SMIM31: variants seen among roughly 807,000 people sequenced by gnomAD.
SMIM31 encodes small integral membrane protein 31, also known as human epithelial cell program regulator.
intron 2 of SMIM31, among the ~76,000 whole-genome samples, chr4:164,798,185 C>A (rs144678681): frequency 6.6e-6 from 1 of 151,436 alleles, no homozygotes; most frequent in Non-Finnish European, 1.5e-5. Flanking sequence ...ATCATTGTTG[C>A]GATAAACATA....
At chr4:164,784,568 A>G (rs1474655338) in intron 2 of SMIM31, among the ~76,000 whole-genome samples, 7 of 152,232 alleles carry the variant, frequency 4.6e-5, no homozygotes, top group Non-Finnish European at 1.0e-4. Flanking sequence ...ATTGAAGAAT[A>G]TGGTTTGTTG....
intron 2 of SMIM31, among the ~76,000 whole-genome samples, chr4:164,797,159 G>T (rs563819170): frequency 1.3e-5 from 2 of 152,000 alleles, no homozygotes; most frequent in Non-Finnish European, 2.9e-5. Context: ...TAAGCTTTAC[G>T]CTCACCACAT....
chr4:164,761,328 A>G (rs1732646706), intron 1 of SMIM31, among the ~76,000 whole-genome samples: 2 of 152,216 alleles, frequency 1.3e-5, no homozygotes, highest in South Asian at 2.1e-4. Context: ...TATTCTTTAC[A>G]TAATCATCTT....
intron 2 of SMIM31, among the ~76,000 whole-genome samples, chr4:164,776,547 G>A (rs1350965122): frequency 6.6e-6 from 1 of 152,236 alleles, no homozygotes; most frequent in Non-Finnish European, 1.5e-5. Context: ...CTTCATCCCT[G>A]TGTGAAGCCT....
intron 1 of SMIM31, among the ~76,000 whole-genome samples, chr4:164,766,700 A>G (rs1732724649): frequency 6.6e-6 from 1 of 151,926 alleles, no homozygotes; most frequent in Admixed American, 6.6e-5. Flanking sequence ...CGGGGGACTG[A>G]GGCAGGAGAA....
intron 1 of SMIM31, among the ~76,000 whole-genome samples, chr4:164,760,367 G>A (rs1183103570): frequency 1.3e-5 from 2 of 152,148 alleles, no homozygotes; most frequent in Non-Finnish European, 2.9e-5. Context: ...ATTAAACCTT[G>A]TGAGTAGTAG....
At chr4:164,756,171 G>A (rs555007693) in intron 1 of SMIM31, among the ~76,000 whole-genome samples, 1 of 152,220 alleles carries the variant, frequency 6.6e-6, no homozygotes, top group South Asian at 2.1e-4. Flanking sequence ...GAATTTTAAT[G>A]GATATGTACA....
chr4:164,803,677 C>A lies in SMIM31; in HGVS notation c.*2483C>A, dbSNP rs1733317384. On this transcript the variant is annotated 3_prime_UTR_variant, in exon 3 of 3. Coordinates refer to ENST00000507311, the MANE Select transcript of SMIM31 (RefSeq NM_001352885.1). ...AGGCGTGGTGGTCCATGCCTGTAAT[C>A]CTAGCTACTCAGGAGGCTGAGGCAG... 1 of 151,964 alleles carries A rather than the reference C, an allele frequency of 6.6e-6. No individual in the cohort carries two copies. Among genetic ancestry groups the A allele is most frequent in the South Asian group, 2.1e-4 (1 of 4,798 alleles). The allele number at this position is 151,964 out of a possible 1,614,324, so 9.4% of individuals were successfully genotyped here.
chr4:164,798,990 T>C (rs772271027), intron 2 of SMIM31, among the ~76,000 whole-genome samples: 6 of 152,154 alleles, frequency 3.9e-5, no homozygotes, highest in Non-Finnish European at 7.3e-5. Flanking sequence ...CCTTCTGCCA[T>C]GAGTAAAAGC....
intron 1 of SMIM31, among the ~76,000 whole-genome samples, chr4:164,765,378 A>G (rs1039916221): frequency 1.3e-5 from 2 of 152,194 alleles, no homozygotes; most frequent in African/African-American, 2.4e-5. Flanking sequence ...ATGAGCCTTC[A>G]AGGTGAATAC....
chr4:164,798,174 G>A (rs745583406), intron 2 of SMIM31, among the ~76,000 whole-genome samples: 3 of 151,648 alleles, frequency 2.0e-5, no homozygotes, highest in African/African-American at 4.8e-5. Context: ...TTGCTATTGT[G>A]ATCATTGTTG....
In SMIM31 at chr4:164,794,799, G is replaced by A. The variant is rs559327041; in HGVS notation, c.113-6292G>A. 2.0e-4 allele frequency among the ~76,000 whole-genome samples: 31 copies of A among 151,254 alleles called. 1 individual carries two copies. The highest frequency in any genetic ancestry group is 7.8e-4 in the East Asian group (4 of 5,146). On this transcript the variant is annotated intron_variant, in intron 2 of 2. Transcript: ENST00000507311. ...CAGCCTGGCAACAGAGCAAGACTCC[G>A]TCTCAAAAAATAATAATAATAATAA...
intron 2 of SMIM31, among the ~76,000 whole-genome samples, chr4:164,779,457 G>C (rs1732919514): frequency 6.6e-6 from 1 of 152,232 alleles, no homozygotes; most frequent in Non-Finnish European, 1.5e-5. Context: ...ACTGAGATTA[G>C]TGGCCAATCT....
chr4:164,756,180 C>T (rs1732558161), intron 1 of SMIM31, among the ~76,000 whole-genome samples: 2 of 152,154 alleles, frequency 1.3e-5, no homozygotes, highest in African/African-American at 4.8e-5. Context: ...TGGATATGTA[C>T]ATCTATGTAA....
chr4:164,772,565 A>AT (rs918352897), intron 2 of SMIM31, among the ~76,000 whole-genome samples: 44 of 112,972 alleles, frequency 3.9e-4, no homozygotes, highest in Admixed American at 1.6e-3. Flanking sequence ...CTGAAGTTTT[A>AT]TTTTTTTTAT....
chr4:164,789,586 C>T (rs1733073501), intron 2 of SMIM31, among the ~76,000 whole-genome samples: 1 of 152,120 alleles, frequency 6.6e-6, no homozygotes, highest in African/African-American at 2.4e-5. Flanking sequence ...AATCTTGCTC[C>T]TACCTATATA....
chr4:164,777,973 G>T (rs6816976), intron 2 of SMIM31, among the ~76,000 whole-genome samples: 77,600 of 152,134 alleles, frequency 0.51, 20,120 homozygotes, highest in South Asian at 0.62. Context: ...GAAAGATATC[G>T]GTTCATAAAG....
chr4:164,794,188 G>A (rs1474343611), intron 2 of SMIM31, among the ~76,000 whole-genome samples: 1 of 151,646 alleles, frequency 6.6e-6, no homozygotes, highest in African/African-American at 2.4e-5. Context: ...ACCAGCCTGG[G>A]CAACATAAGG....
Position 164,802,819 on chromosome 4 carries a change from A to T in SMIM31, c.*1625A>T, listed in dbSNP as rs1380182377. ...AGAATGCTTACAAAGTTAACCAAGT[A>T]GTCACCCAGGTCAGAGTACTAAACA... is the stretch of plus-strand genomic sequence containing the variant. On this transcript the variant is annotated 3_prime_UTR_variant, in exon 3 of 3. Transcript: ENST00000507311. 6 of 152,250 alleles carry T rather than the reference A, an allele frequency of 3.9e-5. No individual in the cohort carries two copies. Among genetic ancestry groups the T allele is most frequent in the Admixed American group, 3.9e-4 (6 of 15,272 alleles). 9.4% of individuals were successfully genotyped at this position (152,250 alleles called of 1,614,324 possible). A position where few individuals can be genotyped will look rare whatever the true frequency, so the allele number is the denominator to read the frequency against.
Sources: allele counts gnomAD v4.1 joint callset (sites outside exome capture counted in the v4.1 genomes callset), GRCh38; gene constraint gnomAD v4.1.1; transcripts MANE v1.5; gene names NCBI Gene and HGNC (gene_info 2026-07-23, HGNC 2026-07-21).